The following MEIS1 variants were observed in gnomAD, a reference collection of about 807,000 sequenced individuals.
The protein encoded by MEIS1 is homeobox protein Meis1.
Under a neutral mutation model 50.8 loss-of-function variants are expected in MEIS1, and 5 were observed. The observed-to-expected ratio is 0.10, with a 90% CI of 0.05 to 0.21. MEIS1 has a LOEUF of 0.21. Among genes scored for constraint, MEIS1 ranks in the 10% least tolerant of loss-of-function variants. The pLI is 1.00. For missense variants in MEIS1, 318 were observed against 517.3 expected, an observed-to-expected ratio of 0.61 and a Z score of 3.74; for synonymous variants, 176 against 179.3, an observed-to-expected ratio of 0.98 and a Z score of 0.15.
rs117607447 is a variant in MEIS1, at chr2:66,520,521, A to G, written c.888+8227A>G. 2.7e-4 allele frequency among the ~76,000 whole-genome samples: 41 copies of G among 152,048 alleles called. No individual in the cohort carries two copies. The East Asian group carries it at 7.1e-3, about 26-fold the overall frequency. ...AGCCAGTTTCCCAACTTCAAGGGGG[A>G]AGAACTTCACAAAATGAATTCGTTG... On this transcript the variant is annotated intron_variant, in intron 8 of 12. Coordinates refer to ENST00000272369, the MANE Select transcript of MEIS1 (RefSeq NM_002398.3).
intron 6 of MEIS1, chr2:66,445,163 TC>T (rs1672097755): frequency 6.6e-6 from 1 of 152,212 alleles, no homozygotes; most frequent in Admixed American, 6.5e-5. Flanking sequence ...TGACTTCTGG[TC>T]CCCGCTGGTT....
chr2:66,496,057 A>G (rs1673394892), intron 7 of MEIS1: 2 of 152,574 alleles, frequency 1.3e-5, no homozygotes, highest in East Asian at 3.9e-4. Flanking sequence ...CTGGGGAAAG[A>G]AAGGGCTGGG....
At chr2:66,457,689 C>T (rs928023530) in intron 6 of MEIS1, among the ~76,000 whole-genome samples, 1 of 152,112 alleles carries the variant, frequency 6.6e-6, no homozygotes, top group Admixed American at 6.5e-5. Context: ...TTAGATGCAC[C>T]CCCCCAGACA....
At chr2:66,473,686 C>A (rs1437773340) in intron 7 of MEIS1, among the ~76,000 whole-genome samples, 2 of 151,934 alleles carry the variant, frequency 1.3e-5, no homozygotes, top group Non-Finnish European at 2.9e-5. Context: ...TAATTTTTTC[C>A]CCTTCTCAAG....
intron 4 of MEIS1, chr2:66,441,137 G>C (rs1671970422): frequency 4.6e-6 from 2 of 435,200 alleles, no homozygotes; most frequent in African/African-American, 2.1e-5. Flanking sequence ...GTGGGGTGGG[G>C]CCAGTGGGAC....
At chr2:66,507,127 A>G (rs569335720) in intron 7 of MEIS1, among the ~76,000 whole-genome samples, 2 of 152,356 alleles carry the variant, frequency 1.3e-5, no homozygotes, top group South Asian at 4.1e-4. Context: ...AAATGTAGCC[A>G]TCTTACAACA....
At chr2:66,561,755 A>G (rs1278618932) in intron 9 of MEIS1, among the ~76,000 whole-genome samples, 1 of 151,984 alleles carries the variant, frequency 6.6e-6, no homozygotes, top group Non-Finnish European at 1.5e-5. Flanking sequence ...TTCTCTGTCT[A>G]GTTAGGAACC....
chr2:66,522,405 G>A (rs924099154), intron 8 of MEIS1, among the ~76,000 whole-genome samples: 2 of 152,154 alleles, frequency 1.3e-5, no homozygotes, highest in African/African-American at 4.8e-5. Flanking sequence ...GTTCTATTGT[G>A]GCAGCTCCAT....
At chr2:66,571,143 A>G in intron 12 of MEIS1, 103 bp from the exon 13 acceptor site, 1 of 1,158,268 alleles carries the variant, frequency 8.6e-7, no homozygotes, top group Non-Finnish European at 1.2e-6. Context: ...TGTTCCCTTA[A>G]TCACAGGGTT....
At chr2:66,465,073 G>A (rs1035544162) in intron 7 of MEIS1, among the ~76,000 whole-genome samples, 2 of 152,038 alleles carry the variant, frequency 1.3e-5, no homozygotes, top group Non-Finnish European at 2.9e-5. Context: ...TTTAAAATCT[G>A]GTTTTATGAT....
intron 8 of MEIS1, among the ~76,000 whole-genome samples, chr2:66,543,119 T>G (rs1213700205): frequency 6.6e-6 from 1 of 152,230 alleles, no homozygotes; most frequent in Non-Finnish European, 1.5e-5. Flanking sequence ...CTTGAGTAAG[T>G]CACCATTTTC....
chr2:66,447,145 A>G (rs528184465), intron 6 of MEIS1, among the ~76,000 whole-genome samples: 123 of 152,338 alleles, frequency 8.1e-4, no homozygotes, highest in African/African-American at 2.9e-3. Flanking sequence ...GCAAATAGAT[A>G]GGGCCAGCGA....
At chr2:66,560,562 C>G (rs1457480016) in intron 9 of MEIS1, among the ~76,000 whole-genome samples, 1 of 138,338 alleles carries the variant, frequency 7.2e-6, no homozygotes, top group Non-Finnish European at 1.5e-5. Flanking sequence ...CCAGCCTGGG[C>G]AACAGAGTGA....
intron 6 of MEIS1, among the ~76,000 whole-genome samples, chr2:66,449,816 A>T (rs896265044): frequency 6.6e-6 from 1 of 152,184 alleles, no homozygotes; most frequent in Non-Finnish European, 1.5e-5. Flanking sequence ...TTGTTAAAGG[A>T]AAATACAAGA....
chr2:66,509,568 A>C (rs1248466690), intron 7 of MEIS1, among the ~76,000 whole-genome samples: 4 of 152,220 alleles, frequency 2.6e-5, no homozygotes, highest in African/African-American at 4.8e-5. Flanking sequence ...CCAGGGACTG[A>C]AGGGGGTGAT....
At chr2:66,496,196 T>G (rs1465624909) in intron 7 of MEIS1, 2 of 152,136 alleles carry the variant, frequency 1.3e-5, no homozygotes, top group Non-Finnish European at 2.9e-5. Context: ...CAAGATAGAT[T>G]TCAGGTTAGC....
intron 9 of MEIS1, among the ~76,000 whole-genome samples, chr2:66,563,871 A>G (rs1675275916): frequency 6.6e-6 from 1 of 152,216 alleles, no homozygotes; most frequent in South Asian, 2.1e-4. Context: ...ATAGTCTGGG[A>G]TAATGATAAA....
chr2:66,539,569 T>C (rs1388856499), intron 8 of MEIS1, among the ~76,000 whole-genome samples: 3 of 152,216 alleles, frequency 2.0e-5, no homozygotes, highest in African/African-American at 7.2e-5. Context: ...CTTTGTCCTT[T>C]CTGTGCTCAA....
rs772211406 is a variant in MEIS1 at position 66,442,978 on chromosome 2, T to C, written c.560T>C (p.Ile187Thr). The change falls in exon 6 of 13, where the codon ATA becomes ACA. Residue 187 changes from isoleucine (I) to threonine (T), a missense_variant. By Grantham distance (89) the Ile-to-Thr change is moderately conservative. Transcript: ENST00000272369. ...LKGKMPIDLVIDDREGGSKSD... is the reference protein window; with the variant it reads ...LKGKMPIDLVTDDREGGSKSD... ...GGGAAAATGCCTATCGATTTGGTGA[T>C]AGACGATAGAGAAGGAGGATCAAAA... 111 of 1,604,508 alleles carry C rather than the reference T, an allele frequency of 6.9e-5. No individual in the cohort carries two copies. Among genetic ancestry groups the C allele is most frequent in the Non-Finnish European group, 8.5e-5 (100 of 1,176,940 alleles).
Sources: gnomAD v4.1 joint callset for allele counts (sites outside exome capture counted in the v4.1 genomes callset) on GRCh38, gnomAD v4.1.1 for gene constraint, MANE v1.5 for transcripts, NCBI Gene and HGNC (gene_info 2026-07-23, HGNC 2026-07-21) for gene names.